IQCK: variants seen among roughly 807,000 people sequenced by gnomAD.
IQCK encodes IQ motif containing K.
In IQCK, 29 loss-of-function variants were observed where a neutral mutation model predicts 28.1. The observed-to-expected ratio is 1.03, with a 90% CI of 0.77 to 1.41. The LOEUF (loss-of-function observed/expected upper bound fraction) is 1.41. Ranked by LOEUF, IQCK falls within the 40% of genes most tolerant of loss-of-function variation. The probability of loss-of-function intolerance (pLI) is 0.00; values close to 1 mark genes in which losing one functional copy is unlikely to be tolerated. For synonymous variants in IQCK, 113 were observed against 115.1 expected (o/e 0.98, Z 0.12); for missense variants, 359 against 314.7 (o/e 1.14, Z -1.07).
intron 7 of IQCK, among the ~76,000 whole-genome samples, chr16:19,824,258 T>TA (rs2056113886): frequency 6.6e-6 from 1 of 152,236 alleles, no homozygotes; most frequent in Admixed American, 6.5e-5. Context: ...TGGCACTAGT[T>TA]AGATTCTCAT....
intron 7 of IQCK, among the ~76,000 whole-genome samples, chr16:19,822,907 A>G (rs2141085163): frequency 6.6e-6 from 1 of 152,268 alleles, no homozygotes. Context: ...ATCTGATAAA[A>G]TTTCAGTGGA....
intron 7 of IQCK, among the ~76,000 whole-genome samples, chr16:19,822,084 C>CAAAAAAAAAAAAAAAAAAAAAAAA: frequency 1.0e-5 from 1 of 97,608 alleles, no homozygotes; most frequent in Non-Finnish European, 2.1e-5. Context: ...AAAAAAAAAA[C>CAAAAAAAAAAAAAAAAAAAAAAAA]AAAAAAAAAA....
intron 7 of IQCK, among the ~76,000 whole-genome samples, chr16:19,793,692 T>C (rs1011043743): frequency 4.0e-5 from 3 of 74,412 alleles, no homozygotes; most frequent in African/African-American, 2.0e-4. Context: ...AACAAGCCAG[T>C]CCTAAAATTC....
chr16:19,769,386 A>ACC, intron 6 of IQCK, among the ~76,000 whole-genome samples: 1 of 152,190 alleles, frequency 6.6e-6, no homozygotes. Context: ...TGTGGTTGTG[A>ACC]AGATACAGTG....
At chr16:19,776,081 A>G (rs952127345) in intron 6 of IQCK, among the ~76,000 whole-genome samples, 1 of 151,666 alleles carries the variant, frequency 6.6e-6, no homozygotes, top group Non-Finnish European at 1.5e-5. Context: ...GGGTTTCACT[A>G]TGTTAGCGAG....
chr16:19,764,025 T>A lies in IQCK; in HGVS notation c.528-10T>A, dbSNP rs771589713. 1.9e-6 allele frequency: 3 copies of A among 1,613,792 alleles called. 1 individual carries two copies. The South Asian group carries it at 3.3e-5, about 18-fold the overall frequency. ...TTTCTTGTCAATCAAACATATGGCA[T>A]CATGACCAGCCAAAATCCAAAGAGG... On this transcript the variant is annotated splice_polypyrimidine_tract_variant and intron_variant, in intron 5 of 7. Coordinates refer to ENST00000564186, the Ensembl canonical transcript of IQCK.
At chr16:19,809,232 A>C (rs145990985) in intron 7 of IQCK, among the ~76,000 whole-genome samples, 1 of 152,344 alleles carries the variant, frequency 6.6e-6, no homozygotes, top group African/African-American at 2.4e-5. Context: ...GCTGCAATCT[A>C]GTCCCTTCTG....
At chr16:19,831,618 T>C (rs909399088), downstream of IQCK, among the ~76,000 whole-genome samples, 3 of 149,980 alleles carry the variant, frequency 2.0e-5, no homozygotes, top group Admixed American at 6.7e-5. Context: ...CAATAAAAAA[T>C]AGTGGAGTGA....
At chr16:19,737,307 AACTGCCT>A (rs1267484498) in intron 4 of IQCK, among the ~76,000 whole-genome samples, 1 of 152,160 alleles carries the variant, frequency 6.6e-6, no homozygotes, top group African/African-American at 2.4e-5. Context: ...CCCATCTGAG[AACTGCCT>A]ACTGCCGTGC....
At chr16:19,828,871 TA>T (rs1264187536), downstream of IQCK, among the ~76,000 whole-genome samples, 1 of 134,116 alleles carries the variant, frequency 7.5e-6, no homozygotes, top group Non-Finnish European at 1.5e-5. Context: ...TATATATATA[TA>T]AATATATATA....
At chr16:19,777,354 A>G (rs2055409665) in intron 6 of IQCK, among the ~76,000 whole-genome samples, 2 of 152,164 alleles carry the variant, frequency 1.3e-5, no homozygotes, top group Admixed American at 1.3e-4. Context: ...GTGGAACTGA[A>G]AATGCTCCTA....
chr16:19,731,801 C>A (rs920591840), intron 2 of IQCK, among the ~76,000 whole-genome samples: 2 of 152,140 alleles, frequency 1.3e-5, no homozygotes, highest in Admixed American at 6.5e-5. Flanking sequence ...AGGCTGTTTG[C>A]AAGCTGGAGA....
chr16:19,811,811 C>T (rs1245724748), intron 7 of IQCK, among the ~76,000 whole-genome samples: 1 of 152,004 alleles, frequency 6.6e-6, no homozygotes, highest in East Asian at 1.9e-4. Context: ...ACAGTGTTCC[C>T]CAAACTTTTC....
At chr16:19,733,645 C>A (rs1386840766) in intron 2 of IQCK, 53 bp from the exon 3 acceptor site, 2 of 1,598,886 alleles carry the variant, frequency 1.3e-6, no homozygotes, top group Non-Finnish European at 1.7e-6. Context: ...CCAGAAAATG[C>A]AATTATTTAA....
At chr16:19,728,924 C>T (rs897899324) in intron 1 of IQCK, among the ~76,000 whole-genome samples, 9 of 152,184 alleles carry the variant, frequency 5.9e-5, no homozygotes, top group African/African-American at 7.2e-5. Context: ...TATGTCCATA[C>T]GACTGTATGC....
chr16:19,755,052 GT>G, intron 4 of IQCK, among the ~76,000 whole-genome samples: 1 of 152,254 alleles, frequency 6.6e-6, no homozygotes, highest in East Asian at 1.9e-4. Context: ...CCTGTTTGCA[GT>G]TTGCTATAAA....
chr16:19,731,638 T>G (rs1977843571), intron 2 of IQCK, among the ~76,000 whole-genome samples: 1 of 152,216 alleles, frequency 6.6e-6, no homozygotes, highest in Non-Finnish European at 1.5e-5. Flanking sequence ...ATAAAGAGAT[T>G]TGATTGTTTA....
chr16:19,812,063 C>G (rs2055914505), intron 7 of IQCK, among the ~76,000 whole-genome samples: 1 of 150,384 alleles, frequency 6.6e-6, no homozygotes, highest in South Asian at 2.1e-4. Context: ...ACTCGGCTCA[C>G]TGCAGTCTCT....
rs1397943304 is a variant in IQCK at position 19,718,284 on chromosome 16, C to A, written c.-23C>A. The stretch of plus-strand genomic sequence containing the variant: ...CCGGGTCGCGGCCTTCCGGCGAACG[C>A]GGTTACCGTGGAAACCGCGGCCATG... On this transcript the variant is annotated 5_prime_UTR_variant, in exon 1 of 8. Coordinates refer to ENST00000564186, the Ensembl canonical transcript of IQCK. The A allele has an allele frequency of 1.9e-6, 3 of 1,589,582 alleles. No individual in the cohort carries two copies. The African/African-American group carries it at 4.0e-5, about 21-fold the overall frequency.
Sources: allele counts gnomAD v4.1 joint callset (sites outside exome capture counted in the v4.1 genomes callset), GRCh38; gene constraint gnomAD v4.1.1; transcripts MANE v1.5; gene names NCBI Gene and HGNC (gene_info 2026-07-23, HGNC 2026-07-21).